The following PRKN variants were observed in gnomAD, a reference collection of about 807,000 sequenced individuals.
PRKN encodes E3 ubiquitin-protein ligase parkin.
A neutral mutation model predicts 59.5 loss-of-function variants in PRKN; 56 were observed. The observed-to-expected ratio is 0.94, with a 90% CI of 0.76 to 1.18. PRKN has a LOEUF of 1.18. PRKN is among the 50% of genes most tolerant of loss of function. The pLI is 0.00. For synonymous variants in PRKN, 250 were observed against 222.1 expected (o/e 1.13, Z -1.12); for missense variants, 657 against 596.4 (o/e 1.10, Z -1.06).
chr6:162,386,015 C>A (rs1786785621), intron 2 of PRKN, among the ~76,000 whole-genome samples: 1 of 151,918 alleles, frequency 6.6e-6, no homozygotes, highest in African/African-American at 2.4e-5. Flanking sequence ...AATGACTAAC[C>A]CGCCAATTGT....
chr6:162,071,729 G>A (rs1333796175), intron 4 of PRKN, among the ~76,000 whole-genome samples: 1 of 151,840 alleles, frequency 6.6e-6, no homozygotes, highest in Non-Finnish European at 1.5e-5. Flanking sequence ...CCGAGTAGCT[G>A]GGATTACAGG....
chr6:162,529,312 C>G (rs556471638), intron 1 of PRKN, among the ~76,000 whole-genome samples: 1 of 152,220 alleles, frequency 6.6e-6, no homozygotes, highest in South Asian at 2.1e-4. Flanking sequence ...TTAAAATATC[C>G]TTACACCTGA....
At chr6:161,812,458 T>C (rs1484070610) in intron 6 of PRKN, among the ~76,000 whole-genome samples, 2 of 152,044 alleles carry the variant, frequency 1.3e-5, no homozygotes, top group Non-Finnish European at 2.9e-5. Context: ...TGGCAGAAAA[T>C]ACATACAAAT....
At chr6:161,919,120 G>A (rs1019262772) in intron 6 of PRKN, among the ~76,000 whole-genome samples, 5 of 152,138 alleles carry the variant, frequency 3.3e-5, no homozygotes, top group Non-Finnish European at 7.3e-5. Flanking sequence ...CAACGCAAAT[G>A]TCCATCTACT....
chr6:161,443,109 G>C (rs1789320586), intron 9 of PRKN, among the ~76,000 whole-genome samples: 1 of 151,996 alleles, frequency 6.6e-6, no homozygotes, highest in South Asian at 2.1e-4. Flanking sequence ...GGAGTTCGAG[G>C]CCAGCCTGAC....
At chr6:162,145,718 T>G (rs1166892881) in intron 4 of PRKN, among the ~76,000 whole-genome samples, 1 of 152,174 alleles carries the variant, frequency 6.6e-6, no homozygotes, top group Non-Finnish European at 1.5e-5. Flanking sequence ...GGACATCTCA[T>G]GTAAATACAG....
chr6:162,194,053 A>G (rs1784395666), intron 4 of PRKN, among the ~76,000 whole-genome samples: 1 of 152,224 alleles, frequency 6.6e-6, no homozygotes, highest in Non-Finnish European at 1.5e-5. Context: ...AATCTGGAGT[A>G]ACAGAAAAAC....
intron 9 of PRKN, among the ~76,000 whole-genome samples, chr6:161,522,064 G>T (rs1337801882): frequency 6.6e-6 from 1 of 152,052 alleles, no homozygotes; most frequent in Non-Finnish European, 1.5e-5. Flanking sequence ...ATATTGATGC[G>T]GTGTGTGTGT....
At chr6:161,769,468 C>A (rs114987149) in intron 7 of PRKN, among the ~76,000 whole-genome samples, 60 of 152,122 alleles carry the variant, frequency 3.9e-4, no homozygotes, top group Non-Finnish European at 7.5e-4. Flanking sequence ...CATAACCAAG[C>A]CTACTCCTTG....
chr6:162,295,706 A>G (rs1198419525), intron 2 of PRKN, among the ~76,000 whole-genome samples: 1 of 152,206 alleles, frequency 6.6e-6, no homozygotes, highest in African/African-American at 2.4e-5. Context: ...ACTTCCCAGG[A>G]AAGCAGGCAG....
intron 6 of PRKN, among the ~76,000 whole-genome samples, chr6:161,898,913 C>T (rs913703031): frequency 3.3e-5 from 5 of 152,148 alleles, no homozygotes; most frequent in Non-Finnish European, 7.3e-5. Context: ...TCTAAAAGGC[C>T]CGGAACGCTT....
intron 2 of PRKN, among the ~76,000 whole-genome samples, chr6:162,364,618 T>G (rs1785324155): frequency 6.6e-6 from 1 of 152,168 alleles, no homozygotes; most frequent in Non-Finnish European, 1.5e-5. Flanking sequence ...TGCCTTATCT[T>G]GCAAGCTCAC....
intron 7 of PRKN, among the ~76,000 whole-genome samples, chr6:161,745,060 T>C (rs1296902282): frequency 6.6e-6 from 1 of 152,154 alleles, no homozygotes; most frequent in African/African-American, 2.4e-5. Flanking sequence ...GATTGGAACG[T>C]AGGCAGTTTT....
chr6:162,356,584 CAT>C, intron 2 of PRKN, among the ~76,000 whole-genome samples: 1 of 151,114 alleles, frequency 6.6e-6, no homozygotes, highest in South Asian at 2.1e-4. Context: ...ATTAAAATCA[CAT>C]AAAGTTATTT....
At chr6:162,727,043 T>C (rs1017711014) in intron 1 of PRKN, 2 of 152,162 alleles carry the variant, frequency 1.3e-5, no homozygotes, top group Non-Finnish European at 2.9e-5. Context: ...GCAATAGATT[T>C]AATCTTGGCT....
At chr6:162,506,811 G>A (rs1301490857) in intron 1 of PRKN, among the ~76,000 whole-genome samples, 1 of 152,278 alleles carries the variant, frequency 6.6e-6, no homozygotes, top group African/African-American at 2.4e-5. Context: ...CACATCACAG[G>A]TGCCTTCATG....
intron 6 of PRKN, among the ~76,000 whole-genome samples, chr6:161,950,752 T>C (rs969972872): frequency 2.6e-5 from 4 of 151,990 alleles, no homozygotes; most frequent in African/African-American, 9.7e-5. Context: ...CATTTAAATA[T>C]TTACACAAAA....
chr6:162,062,498 G>A (rs377091726), intron 4 of PRKN, among the ~76,000 whole-genome samples: 1 of 152,152 alleles, frequency 6.6e-6, no homozygotes, highest in African/African-American at 2.4e-5. Flanking sequence ...GAATGCATTT[G>A]GAGATAGGTC....
At chr6:161,793,913 A>G (rs1790736154) in intron 6 of PRKN, among the ~76,000 whole-genome samples, 1 of 152,196 alleles carries the variant, frequency 6.6e-6, no homozygotes, top group Non-Finnish European at 1.5e-5. Flanking sequence ...CTCATCCAGT[A>G]AGTCAACATC....
Sources: gnomAD v4.1 joint callset for allele counts (sites outside exome capture counted in the v4.1 genomes callset) on GRCh38, gnomAD v4.1.1 for gene constraint, MANE v1.5 for transcripts, NCBI Gene and HGNC (gene_info 2026-07-23, HGNC 2026-07-21) for gene names.